Variants in PABPC4L observed in about 807,000 individuals in gnomAD.
The protein encoded by PABPC4L is poly(A) binding protein cytoplasmic 4 like.
For synonymous variants in PABPC4L, 169 were observed against 164.1 expected, an observed-to-expected ratio of 1.03 and a Z score of -0.23; for missense variants, 452 against 451.4, an observed-to-expected ratio of 1.00 and a Z score of -0.01.
chr4:134,143,248 TTAA>T, the PABPC4L span, among the ~76,000 whole-genome samples: 5 of 150,506 alleles, frequency 3.3e-5, no homozygotes, highest in African/African-American at 4.9e-5. Flanking sequence ...GATATATATC[TTAA>T]TAATATCTTA....
the PABPC4L span, among the ~76,000 whole-genome samples, chr4:133,996,829 G>C: frequency 2.0e-5 from 3 of 152,152 alleles, no homozygotes; most frequent in Non-Finnish European, 4.4e-5. Context: ...TAATGACAAA[G>C]GCTTGGAGCA....
At chr4:134,024,616 C>T in the PABPC4L span, among the ~76,000 whole-genome samples, 14 of 152,046 alleles carry the variant, frequency 9.2e-5, no homozygotes, top group Non-Finnish European at 1.9e-4. Flanking sequence ...CTTTTTAAGG[C>T]CCTTTCTCCA....
the PABPC4L span, among the ~76,000 whole-genome samples, chr4:134,179,359 A>T: frequency 6.6e-6 from 1 of 152,160 alleles, no homozygotes; most frequent in Non-Finnish European, 1.5e-5. Context: ...TTGCCAGCAG[A>T]TCTGCCTTAC....
At chr4:134,126,599 T>C in the PABPC4L span, among the ~76,000 whole-genome samples, 1 of 152,134 alleles carries the variant, frequency 6.6e-6, no homozygotes, top group South Asian at 2.1e-4. Flanking sequence ...TAGTCTTTTT[T>C]TTTGGTTTTT....
chr4:133,963,852 T>A, the PABPC4L span, among the ~76,000 whole-genome samples: 1 of 152,012 alleles, frequency 6.6e-6, no homozygotes, highest in Non-Finnish European at 1.5e-5. Flanking sequence ...TTGATAGCCC[T>A]AAACACCTAC....
At chr4:134,154,160 T>G in the PABPC4L span, among the ~76,000 whole-genome samples, 1 of 152,128 alleles carries the variant, frequency 6.6e-6, no homozygotes, top group East Asian at 1.9e-4. Flanking sequence ...ATTGGTATCT[T>G]TAAATAAAAT....
the PABPC4L span, among the ~76,000 whole-genome samples, chr4:134,128,608 A>C: frequency 3.3e-5 from 5 of 152,168 alleles, no homozygotes; most frequent in African/African-American, 1.2e-4. Flanking sequence ...AAAAATGCTG[A>C]GGGAATTCAG....
chr4:134,181,050 A>G, the PABPC4L span, among the ~76,000 whole-genome samples: 10 of 152,020 alleles, frequency 6.6e-5, no homozygotes, highest in Admixed American at 3.9e-4. Flanking sequence ...TTCTGATACA[A>G]AACTTGGCAG....
chr4:133,982,933 C>T, the PABPC4L span, among the ~76,000 whole-genome samples: 12 of 152,054 alleles, frequency 7.9e-5, no homozygotes, highest in Admixed American at 5.9e-4. Flanking sequence ...TCTATTCCTA[C>T]AGTTACAAAT....
chr4:134,053,525 T>A, the PABPC4L span, among the ~76,000 whole-genome samples: 3 of 152,072 alleles, frequency 2.0e-5, no homozygotes, highest in Non-Finnish European at 4.4e-5. Flanking sequence ...AAATTCAGCC[T>A]ACCACCTAAA....
At chr4:134,189,181 C>G in the PABPC4L span, among the ~76,000 whole-genome samples, 3 of 151,862 alleles carry the variant, frequency 2.0e-5, no homozygotes, top group Non-Finnish European at 4.4e-5. Context: ...ATACATTGTC[C>G]ATCTATTCTT....
At chr4:134,135,212 T>G in the PABPC4L span, among the ~76,000 whole-genome samples, 4 of 152,228 alleles carry the variant, frequency 2.6e-5, no homozygotes, top group East Asian at 7.7e-4. Flanking sequence ...CTACCGTTTA[T>G]GATTTTTTTC....
chr4:134,004,718 A>G, the PABPC4L span, among the ~76,000 whole-genome samples: 1 of 151,968 alleles, frequency 6.6e-6, no homozygotes, highest in Non-Finnish European at 1.5e-5. Context: ...CTAAATGCTC[A>G]TCAACAAATG....
the PABPC4L span, among the ~76,000 whole-genome samples, chr4:134,031,458 G>C: frequency 1.3e-5 from 2 of 151,890 alleles, no homozygotes; most frequent in South Asian, 4.1e-4. Flanking sequence ...ACAGTAAATT[G>C]AATTTTTTGT....
the PABPC4L span, among the ~76,000 whole-genome samples, chr4:134,105,945 A>T: frequency 6.6e-6 from 1 of 151,698 alleles, no homozygotes; most frequent in Non-Finnish European, 1.5e-5. Flanking sequence ...ATCCAGAAGA[A>T]AACAATTTAC....
the PABPC4L span, among the ~76,000 whole-genome samples, chr4:134,043,335 G>T: frequency 6.6e-6 from 1 of 152,150 alleles, no homozygotes; most frequent in East Asian, 1.9e-4. Context: ...TCACTGCTAC[G>T]TCCCTAATGA....
At chr4:134,124,457 T>G in the PABPC4L span, among the ~76,000 whole-genome samples, 4 of 152,242 alleles carry the variant, frequency 2.6e-5, no homozygotes, top group South Asian at 8.3e-4. Flanking sequence ...AACACTTCTC[T>G]TTTCATAAAA....
chr4:133,954,952 AAT>A, the PABPC4L span, among the ~76,000 whole-genome samples: 1 of 152,144 alleles, frequency 6.6e-6, no homozygotes, highest in African/African-American at 2.4e-5. Context: ...AACTGCATCA[AAT>A]TCAAGTTTCC....
the PABPC4L span, among the ~76,000 whole-genome samples, chr4:134,116,025 T>C: frequency 2.0e-5 from 3 of 151,828 alleles, no homozygotes; most frequent in Admixed American, 2.0e-4. Context: ...CATACTGTAC[T>C]TGAAAAATAA....
Sources: gnomAD v4.1 joint callset for allele counts (sites outside exome capture counted in the v4.1 genomes callset) on GRCh38, gnomAD v4.1.1 for gene constraint, MANE v1.5 for transcripts, NCBI Gene and HGNC (gene_info 2026-07-23, HGNC 2026-07-21) for gene names.